Variants in PRKAR1B observed in about 807,000 individuals in gnomAD.
PRKAR1B encodes protein kinase cAMP-dependent type I regulatory subunit beta.
PRKAR1B carries 22 observed loss-of-function variants against 46.5 expected under a neutral mutation model. The ratio of observed to expected loss-of-function variants is 0.47; its 90% confidence interval spans 0.34 to 0.68. PRKAR1B has a LOEUF of 0.68. Among genes scored for constraint, PRKAR1B ranks in the 30% least tolerant of loss-of-function variants. The pLI, the probability that PRKAR1B is intolerant of heterozygous loss-of-function variation, is 0.01. For missense variants in PRKAR1B, 445 were observed against 535.6 expected (o/e 0.83, Z 1.67); for synonymous variants, 259 against 217.7 (o/e 1.19, Z -1.67).
At chr7:722,847 G>T (rs1398767694) in intron 1 of PRKAR1B, among the ~76,000 whole-genome samples, 3 of 152,182 alleles carry the variant, frequency 2.0e-5, no homozygotes, top group Admixed American at 6.5e-5. Context: ...CAGACTCCTT[G>T]TCCTACTCTA....
intron 7 of PRKAR1B, among the ~76,000 whole-genome samples, chr7:595,613 C>T (rs1194612865): frequency 1.3e-5 from 2 of 152,212 alleles, no homozygotes; most frequent in East Asian, 3.9e-4. Context: ...GCTGAATCGG[C>T]CCATAGCACC....
At chr7:682,708 A>C (rs935753552) in intron 2 of PRKAR1B, among the ~76,000 whole-genome samples, 2 of 151,500 alleles carry the variant, frequency 1.3e-5, no homozygotes, top group African/African-American at 2.4e-5. Flanking sequence ...GTGCCACTGC[A>C]CTCCAGCCTG....
intron 9 of PRKAR1B, among the ~76,000 whole-genome samples, chr7:566,526 CATTATG>C (rs1490000119): frequency 2.6e-5 from 4 of 151,984 alleles, no homozygotes; most frequent in East Asian, 1.9e-4. Context: ...TCATCACCAT[CATTATG>C]GCCACCACCA....
intron 2 of PRKAR1B, among the ~76,000 whole-genome samples, chr7:688,733 A>G (rs1009968723): frequency 6.6e-6 from 1 of 151,990 alleles, no homozygotes; most frequent in African/African-American, 2.4e-5. Flanking sequence ...CCCCCTCCAG[A>G]GCTCTGCGGT....
At chr7:646,113 A>G (rs1784607732) in intron 4 of PRKAR1B, among the ~76,000 whole-genome samples, 1 of 151,978 alleles carries the variant, frequency 6.6e-6, no homozygotes, top group African/African-American at 2.4e-5. Context: ...TGGTGCAATC[A>G]TAGCTCACTG....
At position 650,386 on chromosome 7, in the gene PRKAR1B, C is replaced by T. The variant is rs187304283; in HGVS notation, c.440+26843G>A. 3.2e-3 allele frequency among the ~76,000 whole-genome samples: 484 copies of T among 152,256 alleles called. 3 individuals are homozygous for T. Among genetic ancestry groups the T allele is most frequent in the Non-Finnish European group, 4.3e-3 (293 of 68,018 alleles). Reference sequence around the variant, plus strand: ...CCCCAACTCAGCCCCTCCCTCCCTCCCTGCTCACTCCACCTGATCAGTTCC... The same window carrying T: ...CCCCAACTCAGCCCCTCCCTCCCTCTCTGCTCACTCCACCTGATCAGTTCC... On this transcript the variant is annotated intron_variant, in intron 4 of 10. Coordinates refer to ENST00000537384, the MANE Select transcript of PRKAR1B (RefSeq NM_001164760.2).
chr7:681,323 T>C (rs1387659669), intron 2 of PRKAR1B, among the ~76,000 whole-genome samples: 1 of 114,306 alleles, frequency 8.7e-6, no homozygotes, highest in Non-Finnish European at 1.9e-5. Context: ...CCTGTCTCTA[T>C]AAAAAAAAAA....
At chr7:596,440 G>C in intron 6 of PRKAR1B, 136 bp from the exon 7 acceptor site, 5 of 1,097,266 alleles carry the variant, frequency 4.6e-6, no homozygotes, top group Non-Finnish European at 5.1e-6. Context: ...TTCGCTTGTG[G>C]GCAGAGCCCT....
chr7:576,120 C>G (rs567245051), intron 9 of PRKAR1B, among the ~76,000 whole-genome samples: 5 of 150,996 alleles, frequency 3.3e-5, no homozygotes, highest in South Asian at 4.2e-4. Flanking sequence ...CTCCTCTGCA[C>G]ACGGGCGGGC....
intron 4 of PRKAR1B, among the ~76,000 whole-genome samples, chr7:651,570 C>T (rs1223287529): frequency 1.3e-5 from 2 of 151,628 alleles, no homozygotes; most frequent in African/African-American, 2.4e-5. Flanking sequence ...TGTCAGAAGA[C>T]AGTTCACACC....
At chr7:725,423 C>T (rs1371681877) in intron 1 of PRKAR1B, among the ~76,000 whole-genome samples, 1 of 152,192 alleles carries the variant, frequency 6.6e-6, no homozygotes, top group African/African-American at 2.4e-5. Context: ...AACTCGCGTT[C>T]TAGGCTGGGC....
At chr7:555,191 C>G (rs1287877130) in intron 9 of PRKAR1B, among the ~76,000 whole-genome samples, 1 of 152,214 alleles carries the variant, frequency 6.6e-6, no homozygotes, top group Non-Finnish European at 1.5e-5. Context: ...GAATATGACC[C>G]ATGGGACTGG....
At chr7:615,091 A>G (rs1782727000) in intron 4 of PRKAR1B, among the ~76,000 whole-genome samples, 3 of 151,658 alleles carry the variant, frequency 2.0e-5, no homozygotes. Flanking sequence ...AACAGAAAGA[A>G]GGAGAGAGAG....
In PRKAR1B at chr7:685,283, TATATATGTATAC is replaced by T. The variant is rs1251945779; in HGVS notation, c.178-4569_178-4558del. 2.2e-3 allele frequency among the ~76,000 whole-genome samples: 30 copies of T among 13,422 alleles called. 2 individuals are homozygous for T. Among genetic ancestry groups the T allele is most frequent in the African/African-American group, 7.3e-3 (30 of 4,092 alleles). 8.8% of individuals were successfully genotyped at this position (13,422 alleles called of 152,430 possible). A position where few individuals can be genotyped will look rare whatever the true frequency, so the allele number is the denominator to read the frequency against. On this transcript the variant is annotated intron_variant, in intron 2 of 10. Coordinates refer to ENST00000537384, the MANE Select transcript of PRKAR1B (RefSeq NM_001164760.2). Reference sequence around the variant, plus strand: ...ATACATATATACGTATATATACGTATATATATGTATACATATATATATACGTATATATACGTA... The same window carrying T: ...ATACATATATACGTATATATACGTATATATATATATACGTATATATACGTA...
At chr7:627,971 G>C (rs890639208) in intron 4 of PRKAR1B, among the ~76,000 whole-genome samples, 2 of 151,992 alleles carry the variant, frequency 1.3e-5, no homozygotes, top group African/African-American at 4.8e-5. Flanking sequence ...GAATGGGTGG[G>C]GCCCTTCTGA....
At chr7:690,267 G>A (rs2128515178) in intron 2 of PRKAR1B, among the ~76,000 whole-genome samples, 1 of 151,752 alleles carries the variant, frequency 6.6e-6, no homozygotes, top group African/African-American at 2.4e-5. Flanking sequence ...TTGCACTCCA[G>A]CCTGGGTGAC....
At chr7:590,898 A>G (rs12720012) in intron 7 of PRKAR1B, among the ~76,000 whole-genome samples, 111,276 of 152,116 alleles carry the variant, frequency 0.73, 41,158 homozygotes, top group East Asian at 0.99. Flanking sequence ...CGGCAGCAGA[A>G]AGTGCCGCGT....
At chr7:635,391 G>A (rs1450239663) in intron 4 of PRKAR1B, among the ~76,000 whole-genome samples, 1 of 152,234 alleles carries the variant, frequency 6.6e-6, no homozygotes, top group African/African-American at 2.4e-5. Context: ...GAAAACAGGG[G>A]TCAGAGCAGC....
rs1469213474 is a variant in PRKAR1B at position 685,369 on chromosome 7, T to TACATACATATATATATATATATACAC, written c.178-4644_178-4643insGTGTATATATATATATATATGTATGT. On this transcript the variant is annotated intron_variant, in intron 2 of 10. Transcript: ENST00000537384. ...ATATGTATACATATATATATACACA[T>TACATACATATATATATATATATACAC]ATATATATATACATACATATATATA... Among the ~76,000 whole-genome samples, 42 of 27,208 alleles carry TACATACATATATATATATATATACAC rather than the reference T, an allele frequency of 1.5e-3. 2 individuals are homozygous for TACATACATATATATATATATATACAC. The highest frequency in any genetic ancestry group is 7.4e-3 in the African/African-American group (42 of 5,658). The allele number at this position is 27,208 out of a possible 152,430, so 17.8% of individuals were successfully genotyped here. A position where few individuals can be genotyped will look rare whatever the true frequency, so the allele number is the denominator to read the frequency against.
Sources: gnomAD v4.1 joint callset for allele counts (sites outside exome capture counted in the v4.1 genomes callset) on GRCh38, gnomAD v4.1.1 for gene constraint, MANE v1.5 for transcripts, NCBI Gene and HGNC (gene_info 2026-07-23, HGNC 2026-07-21) for gene names.